Variants in LARS1 observed in about 807,000 individuals in gnomAD.
The protein encoded by LARS1 is leucyl-tRNA synthetase 1.
A neutral mutation model predicts 162.8 loss-of-function variants in LARS1; 100 were observed. The ratio of observed to expected loss-of-function variants is 0.61; its 90% CI spans 0.52 to 0.73. The LOEUF is 0.73. Among genes scored for constraint, LARS1 ranks in the 30% least tolerant of loss-of-function variants. LARS1 has a pLI of 0.00. For synonymous variants in LARS1, 457 were observed against 462.8 expected (o/e 0.99, Z 0.16); for missense variants, 1,258 against 1,408.9 (o/e 0.89, Z 1.71).
intron 31 of LARS1, among the ~76,000 whole-genome samples, chr5:146,114,523 C>T (rs189525356): frequency 6.6e-6 from 1 of 152,038 alleles, no homozygotes; most frequent in African/African-American, 2.4e-5. Context: ...CACTTGAGGA[C>T]AGGAGTTCGA....
Position 146,123,971 on chromosome 5 carries a change from G to C in LARS1, c.3096+11C>G, listed in dbSNP as rs367546400. 37 of 1,439,420 alleles carry C rather than the reference G, an allele frequency of 2.6e-5. No homozygotes were observed. Among genetic ancestry groups the C allele is most frequent in the Non-Finnish European group, 3.5e-5 (36 of 1,024,320 alleles). The allele number at this position is 1,439,420 out of a possible 1,614,324, so 89.2% of individuals were successfully genotyped here. A position where few individuals can be genotyped will look rare whatever the true frequency, so the allele number is the denominator to read the frequency against. On this transcript the variant is annotated intron_variant, in intron 29 of 31. Transcript: ENST00000394434. ...CAGTTAACTGGTTATTACAATCCCT[G>C]GCCCTCTTACCTCAAGCGAATTAGT...
chr5:146,168,356 C>A, intron 4 of LARS1, 91 bp from the exon 5 acceptor site: 1 of 1,423,400 alleles, frequency 7.0e-7, no homozygotes, highest in South Asian at 1.4e-5. Context: ...AAAATTGACT[C>A]TGAAATTTTT....
rs554525945 is a variant in LARS1, at chr5:146,143,208, A to G, written c.1878-124T>C. ...CTTAATGTAGTTACAGGAACAAATA[A>G]GGACAACAGCTTCCATAAGAATGAA... On this transcript the variant is annotated intron_variant, in intron 19 of 31. Transcript: ENST00000394434. The G allele has an allele frequency of 3.8e-6, 3 of 799,088 alleles. No individual in the cohort carries two copies. In the East Asian group the frequency reaches 8.3e-5, roughly 22 times the overall value. The allele number at this position is 799,088 out of a possible 1,614,324, so 49.5% of individuals were successfully genotyped here.
chr5:146,124,144 T>C (rs1751949336), intron 28 of LARS1, 58 bp from the exon 29 acceptor site: 2 of 1,007,912 alleles, frequency 2.0e-6, no homozygotes, highest in Non-Finnish European at 3.1e-6. Context: ...TTGGAAAACA[T>C]ACTTCCTCCA....
chr5:146,154,392 T>C (rs988642127), intron 10 of LARS1, among the ~76,000 whole-genome samples: 9 of 152,336 alleles, frequency 5.9e-5, no homozygotes, highest in South Asian at 2.1e-4. Context: ...ACGTAAGGTA[T>C]AAATTTGTTA....
At chr5:146,136,916 T>C (rs1256621365) in intron 21 of LARS1, among the ~76,000 whole-genome samples, 1 of 152,248 alleles carries the variant, frequency 6.6e-6, no homozygotes, top group Non-Finnish European at 1.5e-5. Context: ...TTCCCTTTTT[T>C]TGAGATGCAG....
At chr5:146,169,602 G>A (rs1754168998) in intron 4 of LARS1, among the ~76,000 whole-genome samples, 1 of 151,434 alleles carries the variant, frequency 6.6e-6, no homozygotes, top group African/African-American at 2.4e-5. Context: ...AGGCTGGAGT[G>A]CAATGGCGCA....
chr5:146,130,228 G>T, intron 24 of LARS1, 70 bp from the exon 25 acceptor site: 1 of 1,460,794 alleles, frequency 6.8e-7, no homozygotes, highest in Non-Finnish European at 9.5e-7. Flanking sequence ...AAAAATTGCA[G>T]TATCTTGGTT....
At position 146,133,101 on chromosome 5, in the gene LARS1, T is replaced by A; in HGVS notation, c.2213-20A>T. 6.2e-7 allele frequency: 1 copy of A among 1,607,120 alleles called. No homozygotes were observed. On this transcript the variant is annotated intron_variant, in intron 22 of 31. Transcript: ENST00000394434. ...GCATTCCTGGAAGAAGAAAAAAAAA[T>A]TCAATGCATTAAAAATATGGTTACT...
At position 146,132,949 on chromosome 5, in the gene LARS1, T is replaced by C. The variant is rs751432978; in HGVS notation, c.2345A>G (p.Asp782Gly). 1.9e-6 allele frequency: 3 copies of C among 1,614,162 alleles called. No homozygotes were observed. The change falls in exon 23 of 32, where the codon GAC becomes GGC. Residue 782 changes from aspartate (D) to glycine (G), a missense_variant. Transcript: ENST00000394434. ...EWVKEMVANW[D>G]SLRSGPASTF... Reference sequence around the variant, plus strand: ...GCTGGCAGGACCACTTCTTAGGCTGTCCCAGTTGGCAACCATTTCTTTCAC... The same window carrying C: ...GCTGGCAGGACCACTTCTTAGGCTGCCCCAGTTGGCAACCATTTCTTTCAC...
chr5:146,135,257 T>C (rs1002224000), intron 22 of LARS1, among the ~76,000 whole-genome samples: 5 of 151,488 alleles, frequency 3.3e-5, no homozygotes, highest in African/African-American at 1.2e-4. Flanking sequence ...CCTCAGGTGA[T>C]ACACCCACCT....
intron 4 of LARS1, among the ~76,000 whole-genome samples, chr5:146,170,764 G>A (rs1460915471): frequency 6.6e-6 from 1 of 151,790 alleles, no homozygotes; most frequent in Non-Finnish European, 1.5e-5. Flanking sequence ...GGAGGCCGAG[G>A]TGGGCAGATT....
rs1262156452 is a variant in LARS1 at position 146,168,240 on chromosome 5, T to A, written c.320A>T (p.Glu107Val). ...IKACADKLKREIELYGCPPDF... is the reference protein window; with the variant it reads ...IKACADKLKRVIELYGCPPDF... ...AGGGGGGCAACCATACAGCTCTATTTCTCTTTTCAACTTATCAGCACATGC... is the reference window on the plus strand; with the variant it reads ...AGGGGGGCAACCATACAGCTCTATTACTCTTTTCAACTTATCAGCACATGC... Residue 107 changes from glutamate to valine, a missense_variant, in exon 5 of 32, where the codon GAA becomes GTA. Coordinates refer to ENST00000394434, the MANE Select transcript of LARS1 (RefSeq NM_020117.11). 1 of 1,613,106 alleles carries A rather than the reference T, an allele frequency of 6.2e-7. No homozygotes were observed. Among genetic ancestry groups the A allele is most frequent in the Non-Finnish European group, 8.5e-7 (1 of 1,179,770 alleles).
chr5:146,181,954 T>G lies in LARS1; in HGVS notation c.6+534A>C, dbSNP rs183218012. On this transcript the variant is annotated intron_variant, in intron 1 of 31. Transcript: ENST00000394434. ...TTTGTTTGTTTATTTATTTATTTTA[T>G]TTTTAAGACGGAGTCTCACTCTGTC... Among the ~76,000 whole-genome samples the G allele has an allele frequency of 3.0e-3, 439 of 148,342 alleles. 3 individuals carry two copies. Among genetic ancestry groups the G allele is most frequent in the African/African-American group, 0.01 (407 of 40,582 alleles).
intron 22 of LARS1, among the ~76,000 whole-genome samples, chr5:146,135,227 G>C (rs1752454393): frequency 6.7e-6 from 1 of 150,370 alleles, no homozygotes; most frequent in Non-Finnish European, 1.5e-5. Flanking sequence ...ATGTTGGCCA[G>C]GCTGGTCTTG....
intron 20 of LARS1, 134 bp from the exon 21 acceptor site, chr5:146,140,395 C>A: frequency 1.5e-6 from 1 of 656,114 alleles, no homozygotes; most frequent in South Asian, 1.8e-5. Flanking sequence ...CACTATAGTC[C>A]TTTTTGTAAT....
At position 146,140,228 on chromosome 5, in the gene LARS1, T is replaced by G; in HGVS notation, c.2124A>C (p.Gly708=). Residue 708 remains glycine, a synonymous_variant, in exon 21 of 32, where the codon GGA becomes GGC. Coordinates refer to ENST00000394434, the MANE Select transcript of LARS1 (RefSeq NM_020117.11). Reference sequence around the variant, plus strand: ...CCTTCTCAGAGTTCAGGAGGAGATGTCCATTTGCTCTCACAGCTGTAGGCC... The same window carrying G: ...CCTTCTCAGAGTTCAGGAGGAGATGGCCATTTGCTCTCACAGCTGTAGGCC... ...DKWPTAVRAN[G]HLLLNSEKMS... 1.9e-6 allele frequency: 3 copies of G among 1,612,158 alleles called. No homozygotes were observed. The highest frequency in any genetic ancestry group is 2.5e-6 in the Non-Finnish European group (3 of 1,178,156).
At chr5:146,131,213 C>G (rs182397943) in intron 23 of LARS1, 104 bp from the exon 24 acceptor site, 1 of 536,642 alleles carries the variant, frequency 1.9e-6, no homozygotes, top group African/African-American at 2.0e-5. Flanking sequence ...TTTTAATATA[C>G]AAATTTGAAA....
At chr5:146,164,983 T>C (rs1000704144) in intron 5 of LARS1, among the ~76,000 whole-genome samples, 1 of 152,194 alleles carries the variant, frequency 6.6e-6, no homozygotes, top group Non-Finnish European at 1.5e-5. Context: ...TATATGATAC[T>C]GTGCTGGTAG....
Sources: gnomAD v4.1 joint callset for allele counts (sites outside exome capture counted in the v4.1 genomes callset) on GRCh38, gnomAD v4.1.1 for gene constraint, MANE v1.5 for transcripts, NCBI Gene and HGNC (gene_info 2026-07-23, HGNC 2026-07-21) for gene names.